EIF4H: variants seen among roughly 807,000 people sequenced by gnomAD.
EIF4H encodes Williams-Beuren syndrome chromosome region 1.
Under a neutral mutation model 30.6 loss-of-function variants are expected in EIF4H, and 8 were observed. The observed-to-expected ratio is 0.26, with a 90% CI of 0.15 to 0.47. The LOEUF (loss-of-function observed/expected upper bound fraction) is 0.47. EIF4H is among the 20% of genes least tolerant of loss of function. EIF4H has a pLI of 0.99. For missense variants in EIF4H, 188 were observed against 339.5 expected, an observed-to-expected ratio of 0.55 and a Z score of 3.51; for synonymous variants, 106 against 122.7, an observed-to-expected ratio of 0.86 and a Z score of 0.90.
intron 6 of EIF4H, 24 bp from the exon 7 acceptor site, chr7:74,195,145 C>A: frequency 1.2e-6 from 2 of 1,612,778 alleles, no homozygotes; most frequent in Non-Finnish European, 1.7e-6. Context: ...CACACTCTGA[C>A]AAACTCTGCT....
intron 2 of EIF4H, among the ~76,000 whole-genome samples, chr7:74,189,422 C>A (rs930468414): frequency 6.6e-6 from 1 of 152,172 alleles, no homozygotes; most frequent in Non-Finnish European, 1.5e-5. Flanking sequence ...TTAAAACATT[C>A]AAGAAGAAAG....
rs1356902591 is a variant in EIF4H, at chr7:74,195,179, A to T, written c.618A>T (p.Ala206=). 1 of 1,613,800 alleles carries T rather than the reference A, an allele frequency of 6.2e-7. No homozygotes were observed. Among genetic ancestry groups the T allele is most frequent in the African/African-American group, 1.3e-5 (1 of 74,920 alleles). ...CTTTTTCTCCCCCAGAGGAAAGAGC[A>T]CAGAGACCACGACTCCAGCTTAAAC... ...DFREPTEEER[A]QRPRLQLKPR... The change falls in exon 7 of 7, where the codon GCA becomes GCT. Residue 206 remains alanine, a synonymous_variant. Coordinates refer to ENST00000265753, the MANE Select transcript of EIF4H (RefSeq NM_022170.2).
intron 1 of EIF4H, among the ~76,000 whole-genome samples, chr7:74,186,980 CCTT>C (rs1258925674): frequency 5.3e-5 from 8 of 151,940 alleles, no homozygotes; most frequent in African/African-American, 1.7e-4. Context: ...CTTCAGTAAT[CCTT>C]CTTCTGAATA....
At chr7:74,175,555 C>CTGTAA (rs1246287694) in intron 1 of EIF4H, among the ~76,000 whole-genome samples, 1 of 152,102 alleles carries the variant, frequency 6.6e-6, no homozygotes, top group Admixed American at 6.6e-5. Context: ...GTTCATGATA[C>CTGTAA]TGTAACGTGG....
chr7:74,195,165 C>T lies in EIF4H; in HGVS notation c.608-4C>T. 6.2e-7 allele frequency: 1 copy of T among 1,613,410 alleles called. No homozygotes were observed. On this transcript the variant is annotated splice_region_variant and splice_polypyrimidine_tract_variant and intron_variant, in intron 6 of 6. Coordinates refer to ENST00000265753, the MANE Select transcript of EIF4H (RefSeq NM_022170.2). Reference sequence around the variant, plus strand: ...TCTGACAAACTCTGCTTTTTCTCCCCCAGAGGAAAGAGCACAGAGACCACG... The same window carrying T: ...TCTGACAAACTCTGCTTTTTCTCCCTCAGAGGAAAGAGCACAGAGACCACG...
At chr7:74,176,744 G>A (rs1204077674) in intron 1 of EIF4H, among the ~76,000 whole-genome samples, 3 of 152,164 alleles carry the variant, frequency 2.0e-5, no homozygotes, top group African/African-American at 7.2e-5. Context: ...TTTCCCCCGA[G>A]CCTGTAAGGG....
intron 5 of EIF4H, 63 bp downstream of exon 5, chr7:74,190,369 T>C: frequency 6.5e-7 from 1 of 1,527,072 alleles, no homozygotes; most frequent in East Asian, 2.3e-5. Context: ...GTTCTCTGTT[T>C]CTTACGAGTA....
At chr7:74,186,815 T>G (rs868929980) in intron 1 of EIF4H, among the ~76,000 whole-genome samples, 1 of 106,116 alleles carries the variant, frequency 9.4e-6, no homozygotes, top group Non-Finnish European at 1.9e-5. Flanking sequence ...TTTTTTTTTT[T>G]TTTTTTTTTT....
intron 1 of EIF4H, among the ~76,000 whole-genome samples, chr7:74,186,606 G>A (rs1161872103): frequency 1.3e-5 from 2 of 152,014 alleles, no homozygotes. Context: ...AGTAAACGAC[G>A]CTTGATACAG....
chr7:74,187,526 C>T (rs1001976016), intron 1 of EIF4H, 85 bp from the exon 2 acceptor site: 18 of 1,331,396 alleles, frequency 1.4e-5, no homozygotes, highest in African/African-American at 9.0e-5. Flanking sequence ...GGGGCGCTGG[C>T]GGCGTAGCTC....
rs1480520384 is a variant in EIF4H, at chr7:74,186,791, T to A, written c.60-820T>A. ...CATAATCAGGCAACAAGGAGAAATT[T>A]TTTTTTTTTTTTTTTTTTTTTTTTT... On this transcript the variant is annotated intron_variant, in intron 1 of 6. Coordinates refer to ENST00000265753, the MANE Select transcript of EIF4H (RefSeq NM_022170.2). 4.9e-3 allele frequency among the ~76,000 whole-genome samples: 13 copies of A among 2,668 alleles called. 4 individuals carry two copies. Among genetic ancestry groups the A allele is most frequent in the Admixed American group, 0.013 (3 of 240 alleles). 1.8% of individuals were successfully genotyped at this position (2,668 alleles called of 152,430 possible). A position where few individuals can be genotyped will look rare whatever the true frequency, so the allele number is the denominator to read the frequency against.
At chr7:74,189,960 G>T in intron 4 of EIF4H, 42 bp downstream of exon 4, 1 of 1,604,104 alleles carries the variant, frequency 6.2e-7, no homozygotes, top group Non-Finnish European at 8.5e-7. Context: ...AAGATTTGCA[G>T]TATGCCTACC....
chr7:74,194,994 C>A (rs1801310559), intron 6 of EIF4H, 116 bp downstream of exon 6: 1 of 1,502,806 alleles, frequency 6.7e-7, no homozygotes. Context: ...CATAGATCCC[C>A]ACGTTCTCTG....
chr7:74,178,353 C>T (rs1040359048), intron 1 of EIF4H, among the ~76,000 whole-genome samples: 1 of 152,080 alleles, frequency 6.6e-6, no homozygotes, highest in Non-Finnish European at 1.5e-5. Flanking sequence ...AGTTTGAGAC[C>T]ACCCTGACCA....
rs1328159452 is a variant in EIF4H at position 74,194,888 on chromosome 7, CAT to C, written c.607+11_607+12del. ...AGAGAACCCACAGAAGGTACGGGCT[CAT>C]GTGTCAGTGGAGGGCATCTTGTCCT... is the stretch of plus-strand genomic sequence containing the variant. On this transcript the variant is annotated intron_variant, in intron 6 of 6. Transcript: ENST00000265753. 6 of 1,581,880 alleles carry C rather than the reference CAT, an allele frequency of 3.8e-6. No homozygotes were observed. The highest frequency in any genetic ancestry group is 3.3e-4 in the Middle Eastern group (2 of 5,976).
At chr7:74,192,420 G>C (rs1251628864) in intron 5 of EIF4H, among the ~76,000 whole-genome samples, 1 of 152,010 alleles carries the variant, frequency 6.6e-6, no homozygotes, top group Non-Finnish European at 1.5e-5. Context: ...TTCATTACTT[G>C]GTTTGTTAAA....
At chr7:74,189,979 C>T (rs782301881) in intron 4 of EIF4H, 61 bp downstream of exon 4, 2 of 1,569,300 alleles carry the variant, frequency 1.3e-6, no homozygotes. Flanking sequence ...CCAATTCCAA[C>T]TCGTGAACGT....
chr7:74,186,617 C>G (rs1455249341), intron 1 of EIF4H, among the ~76,000 whole-genome samples: 1 of 151,988 alleles, frequency 6.6e-6, no homozygotes, highest in Non-Finnish European at 1.5e-5. Flanking sequence ...CTTGATACAG[C>G]TGAGGAGATG....
intron 1 of EIF4H, among the ~76,000 whole-genome samples, chr7:74,179,911 T>C (rs1306864160): frequency 1.3e-5 from 2 of 152,344 alleles, no homozygotes; most frequent in East Asian, 1.9e-4. Context: ...AATTTTACCA[T>C]TGGCAACAAA....
Sources: gnomAD v4.1 joint callset for allele counts (sites outside exome capture counted in the v4.1 genomes callset) on GRCh38, gnomAD v4.1.1 for gene constraint, MANE v1.5 for transcripts, NCBI Gene and HGNC (gene_info 2026-07-23, HGNC 2026-07-21) for gene names.